Variants in NBAS observed in about 807,000 individuals in gnomAD.
NBAS encodes NBAS subunit of NRZ tethering complex, also known as NAG/BC035112 fusion.
In NBAS, 219 loss-of-function variants were observed where a neutral mutation model predicts 302.5. The ratio of observed to expected loss-of-function variants is 0.72; its 90% confidence interval spans 0.65 to 0.81. The LOEUF (loss-of-function observed/expected upper bound fraction) is 0.81. Among genes scored for constraint, NBAS ranks in the 30% least tolerant of loss-of-function variants. The probability of loss-of-function intolerance (pLI) is 0.00; values close to 1 mark genes in which losing one functional copy is unlikely to be tolerated. For missense variants in NBAS, 2,932 were observed against 2,841.6 expected, an observed-to-expected ratio of 1.03 and a Z score of -0.72; for synonymous variants, 1,118 against 1,021.6, an observed-to-expected ratio of 1.09 and a Z score of -1.80.
At chr2:15,013,656 C>T in the NBAS span, among the ~76,000 whole-genome samples, 1 of 151,968 alleles carries the variant, frequency 6.6e-6, no homozygotes, top group Non-Finnish European at 1.5e-5. Context: ...TGGTGGCACA[C>T]ATCTGTAATC....
At chr2:14,844,426 G>T in the NBAS span, among the ~76,000 whole-genome samples, 1 of 152,204 alleles carries the variant, frequency 6.6e-6, no homozygotes, top group Non-Finnish European at 1.5e-5. Context: ...AGGGCCTTGG[G>T]TGAGACTCTG....
the NBAS span, among the ~76,000 whole-genome samples, chr2:14,934,856 C>T: frequency 1.3e-5 from 2 of 152,072 alleles, no homozygotes; most frequent in African/African-American, 4.8e-5. Context: ...TAAGACAATG[C>T]TCTGTATCAA....
rs567984169 is a variant in NBAS, at chr2:15,412,809, T to C, written c.2937+2737A>G. 3.3e-5 allele frequency among the ~76,000 whole-genome samples: 5 copies of C among 152,292 alleles called. No homozygotes were observed. The South Asian group carries it at 1.0e-3, about 32-fold the overall frequency. Reference sequence around the variant, plus strand: ...GGGCTCTTACACATCATTTGCCTGATAACAGGTAACTATCACAAAAAAATT... The same window carrying C: ...GGGCTCTTACACATCATTTGCCTGACAACAGGTAACTATCACAAAAAAATT... On this transcript the variant is annotated intron_variant, in intron 25 of 51. Coordinates refer to ENST00000281513, the MANE Select transcript of NBAS (RefSeq NM_015909.4).
At chr2:15,517,291 A>G (rs1257981042) in intron 9 of NBAS, among the ~76,000 whole-genome samples, 19 of 152,180 alleles carry the variant, frequency 1.2e-4, no homozygotes. Flanking sequence ...TGATCCCCAC[A>G]GTACTATTTA....
the NBAS span, among the ~76,000 whole-genome samples, chr2:15,029,904 T>C: frequency 3.3e-5 from 5 of 152,196 alleles, no homozygotes; most frequent in Non-Finnish European, 5.9e-5. Flanking sequence ...TCTAGGTGCT[T>C]TCAACACAGA....
At chr2:14,993,041 G>A in the NBAS span, among the ~76,000 whole-genome samples, 3 of 152,178 alleles carry the variant, frequency 2.0e-5, no homozygotes, top group African/African-American at 7.2e-5. Flanking sequence ...TGATTTCTGA[G>A]CTCCCACTAA....
At chr2:15,287,852 C>T (rs1164960086) in intron 41 of NBAS, among the ~76,000 whole-genome samples, 5 of 149,354 alleles carry the variant, frequency 3.3e-5, no homozygotes, top group Admixed American at 1.3e-4. Context: ...TAGGCATCCC[C>T]GCATAAACAT....
intron 12 of NBAS, among the ~76,000 whole-genome samples, chr2:15,478,643 C>A (rs1680296127): frequency 6.6e-6 from 1 of 152,188 alleles, no homozygotes; most frequent in African/African-American, 2.4e-5. Context: ...GATCTTATCC[C>A]AGCCACTTAT....
chr2:15,369,369 C>G (rs1674375018), intron 31 of NBAS, among the ~76,000 whole-genome samples: 2 of 152,238 alleles, frequency 1.3e-5, no homozygotes, highest in African/African-American at 4.8e-5. Context: ...TCTAAACTTC[C>G]ATTTAATGGA....
intron 21 of NBAS, among the ~76,000 whole-genome samples, chr2:15,455,987 G>A (rs960906986): frequency 2.0e-5 from 3 of 151,966 alleles, no homozygotes. Flanking sequence ...CTCAAGTTGT[G>A]GAAGCTAACA....
chr2:14,804,179 C>T, the NBAS span, among the ~76,000 whole-genome samples: 3 of 152,170 alleles, frequency 2.0e-5, no homozygotes, highest in Admixed American at 6.5e-5. Context: ...TGCACATGTG[C>T]CCCATGGAGG....
chr2:15,319,328 A>G (rs1398036899), intron 38 of NBAS, among the ~76,000 whole-genome samples: 1 of 152,196 alleles, frequency 6.6e-6, no homozygotes, highest in Admixed American at 6.5e-5. Flanking sequence ...AAACATCACA[A>G]TTAAAAGAAC....
intron 38 of NBAS, among the ~76,000 whole-genome samples, chr2:15,320,207 C>G (rs1395186033): frequency 6.6e-6 from 1 of 152,110 alleles, no homozygotes; most frequent in African/African-American, 2.4e-5. Flanking sequence ...GCCCTTCATG[C>G]TAAAAACTCT....
the NBAS span, among the ~76,000 whole-genome samples, chr2:14,792,787 G>C: frequency 6.6e-6 from 1 of 151,964 alleles, no homozygotes; most frequent in African/African-American, 2.4e-5. Context: ...ATCACAACTT[G>C]AATGAGAAAA....
In NBAS at chr2:15,424,365, T is replaced by A. The variant is rs1038974153; in HGVS notation, c.2527A>T (p.Met843Leu). The A allele has an allele frequency of 1.2e-6, 2 of 1,614,118 alleles. No homozygotes were observed. The highest frequency in any genetic ancestry group is 1.7e-6 in the Non-Finnish European group (2 of 1,179,990). Reference protein sequence around the residue: ...RMTQLTVEKVMDWYQTRAEEI... With the variant: ...RMTQLTVEKVLDWYQTRAEEI... ...TCTGCTCTGGTCTGATACCAGTCCATAACCTTCTCCACCGTAAGCTGGGTC... is the reference window on the plus strand; with the variant it reads ...TCTGCTCTGGTCTGATACCAGTCCAAAACCTTCTCCACCGTAAGCTGGGTC... Residue 843 changes from methionine to leucine, a missense_variant, in exon 23 of 52, where the codon ATG (methionine) becomes TTG (leucine). Met to Leu is a conservative substitution (Grantham distance 15). Transcript: ENST00000281513.
chr2:15,558,706 A>T, intron 1 of NBAS, 72 bp from the exon 2 acceptor site: 3 of 1,144,772 alleles, frequency 2.6e-6, no homozygotes, highest in Non-Finnish European at 3.9e-6. Flanking sequence ...CTTATACAAT[A>T]TGTAAACTTA....
chr2:14,822,822 C>T, the NBAS span, among the ~76,000 whole-genome samples: 11 of 152,260 alleles, frequency 7.2e-5, no homozygotes, highest in South Asian at 6.2e-4. Context: ...ATCACTAAAA[C>T]GAGGCTATCA....
chr2:15,532,101 CTGAAATCATGAAATATGGAAAATCAT>C, intron 9 of NBAS, among the ~76,000 whole-genome samples: 1 of 152,156 alleles, frequency 6.6e-6, no homozygotes, highest in African/African-American at 2.4e-5. Flanking sequence ...TGGAAAATCA[CTGAAATCATGAAATATGGAAAATCAT>C]TGAAATCATG....
At position 15,220,795 on chromosome 2, in the gene NBAS, T is replaced by C. The variant is rs568300604; in HGVS notation, c.6237-1827A>G. 2.1e-4 allele frequency among the ~76,000 whole-genome samples: 31 copies of C among 149,592 alleles called. No individual in the cohort carries two copies. The Middle Eastern group carries it at 0.01, about 49-fold the overall frequency. Reference sequence around the variant, plus strand: ...ATAAGGCTTTTAGCTATAAATCACCTAGGCTGAATCCCAGTCTAACTTACC... The same window carrying C: ...ATAAGGCTTTTAGCTATAAATCACCCAGGCTGAATCCCAGTCTAACTTACC... On this transcript the variant is annotated intron_variant, in intron 47 of 51. Transcript: ENST00000281513.
Sources: gnomAD v4.1 joint callset for allele counts (sites outside exome capture counted in the v4.1 genomes callset) on GRCh38, gnomAD v4.1.1 for gene constraint, MANE v1.5 for transcripts, NCBI Gene and HGNC (gene_info 2026-07-23, HGNC 2026-07-21) for gene names.